SAE1: variants seen among roughly 807,000 people sequenced by gnomAD.
SAE1 encodes the protein SUMO1 activating enzyme subunit 1.
A neutral mutation model predicts 40.6 loss-of-function variants in SAE1; 11 were observed. The ratio of observed to expected loss-of-function variants is 0.27; its 90% CI spans 0.17 to 0.45. The LOEUF (loss-of-function observed/expected upper bound fraction) is 0.45. Ranked by LOEUF, SAE1 falls within the 20% of genes least tolerant of loss-of-function variation. SAE1 has a pLI of 1.00. For missense variants in SAE1, 373 were observed against 427.3 expected (o/e 0.87, Z 1.12); for synonymous variants, 155 against 154.3 (o/e 1.00, Z -0.03).
At chr19:47,147,437 G>A (rs1294498347) in intron 2 of SAE1, among the ~76,000 whole-genome samples, 2 of 151,002 alleles carry the variant, frequency 1.3e-5, no homozygotes, top group Non-Finnish European at 3.0e-5. Context: ...TGAACTTTCT[G>A]GGCTCAATTA....
chr19:47,150,074 C>CAAA (rs34440742), intron 2 of SAE1, 128 bp from the exon 3 acceptor site: 1,025 of 338,238 alleles, frequency 3.0e-3, no homozygotes, highest in East Asian at 5.7e-3. Flanking sequence ...AAGACTGTCT[C>CAAA]AAAAAAAAAA....
At position 47,187,801 on chromosome 19, in the gene SAE1, C is replaced by T. The variant is rs901792402; in HGVS notation, c.734-9432C>T. ...CCTCTCAAAGTGCTGGGATTACAGG[C>T]GTGAGCCACTGCACCCGGCCTCTGG... On this transcript the variant is annotated intron_variant, in intron 6 of 8. Coordinates refer to ENST00000270225, the MANE Select transcript of SAE1 (RefSeq NM_005500.3). Among the ~76,000 whole-genome samples the T allele has an allele frequency of 2.6e-5, 4 of 152,052 alleles. No homozygotes were observed. The South Asian group carries it at 6.3e-4, about 24-fold the overall frequency.
In SAE1 at chr19:47,197,300, G is replaced by T; in HGVS notation, c.801G>T (p.Glu267Asp). ...PSSDTYEEDSELLLQIRNDVL... is the reference protein window; with the variant it reads ...PSSDTYEEDSDLLLQIRNDVL... The stretch of plus-strand genomic sequence containing the variant: ...CTGATACATATGAGGAAGATTCTGA[G>T]TTGTTGCTCCAGATACGAAATGATG... The change falls in exon 7 of 9, where the codon GAG (glutamate) becomes GAT (aspartate). Residue 267 changes from glutamate (E) to aspartate (D), a missense_variant. Glu to Asp is a conservative substitution (Grantham distance 45, BLOSUM62 2). This residue lies in a region of SAE1 where 351 missense variants were observed against 390.6 expected (regional missense o/e 0.90). Transcript: ENST00000270225. The T allele has an allele frequency of 6.2e-7, 1 of 1,614,072 alleles. No individual in the cohort carries two copies. Among genetic ancestry groups the T allele is most frequent in the Non-Finnish European group, 8.5e-7 (1 of 1,179,920 alleles).
At chr19:47,140,506 C>T (rs947694937) in intron 1 of SAE1, among the ~76,000 whole-genome samples, 1 of 151,972 alleles carries the variant, frequency 6.6e-6, no homozygotes, top group Non-Finnish European at 1.5e-5. Context: ...CCCACCTTGG[C>T]CTCCCAAAGT....
intron 1 of SAE1, among the ~76,000 whole-genome samples, 197 bp from the exon 2 acceptor site, chr19:47,143,297 G>T (rs1429048008): frequency 6.6e-6 from 1 of 152,046 alleles, no homozygotes; most frequent in Non-Finnish European, 1.5e-5. Flanking sequence ...TAGAGACGGG[G>T]TTTCACCGTG....
intron 4 of SAE1, among the ~76,000 whole-genome samples, chr19:47,154,736 C>T (rs932468439): frequency 5.3e-5 from 8 of 151,876 alleles, no homozygotes; most frequent in South Asian, 2.1e-4. Context: ...CCTCAGGTGA[C>T]ACGCCCGCCT....
rs1275981137 is a variant in SAE1, at chr19:47,197,272, G to C, written c.773G>C (p.Ser258Thr). The C allele has an allele frequency of 6.2e-7, 1 of 1,613,990 alleles. No homozygotes were observed. The highest frequency in any genetic ancestry group is 2.2e-5 in the East Asian group (1 of 44,888). ...CGTACAGATAAAGGAAGAGATCCCA[G>C]TTCTGATACATATGAGGAAGATTCT... ...KFRTDKGRDP[S>T]SDTYEEDSEL... The change falls in exon 7 of 9, where the codon AGT becomes ACT. Residue 258 changes from serine to threonine, a missense_variant. Physicochemically the swap from Ser to Thr is moderately conservative, Grantham distance 58. This residue lies in a region of SAE1 where 351 missense variants were observed against 390.6 expected (regional missense o/e 0.90). Coordinates refer to ENST00000270225, the MANE Select transcript of SAE1 (RefSeq NM_005500.3).
intron 1 of SAE1, among the ~76,000 whole-genome samples, chr19:47,132,733 C>A (rs117960763): frequency 6.6e-6 from 1 of 151,692 alleles, no homozygotes; most frequent in South Asian, 2.1e-4. Flanking sequence ...CAAAAAAATA[C>A]AAAAATTAGC....
chr19:47,204,045 T>C (rs2058670593), intron 8 of SAE1, among the ~76,000 whole-genome samples: 1 of 152,092 alleles, frequency 6.6e-6, no homozygotes, highest in Non-Finnish European at 1.5e-5. Flanking sequence ...GGGATTCTGC[T>C]TCTCATAGCT....
chr19:47,166,345 A>C (rs573107456), intron 5 of SAE1, among the ~76,000 whole-genome samples: 28 of 152,160 alleles, frequency 1.8e-4, no homozygotes, highest in African/African-American at 5.8e-4. Context: ...GAAAATTTCA[A>C]ATTTGATCCA....
chr19:47,185,532 C>T (rs932670190), intron 6 of SAE1, among the ~76,000 whole-genome samples: 6 of 152,036 alleles, frequency 3.9e-5, no homozygotes, highest in Non-Finnish European at 8.8e-5. Flanking sequence ...TCCTGAACTC[C>T]TGACCTCAAG....
chr19:47,148,917 GTCTA>G lies in SAE1; in HGVS notation c.211-1279_211-1276del, dbSNP rs529919583. ...GCGTGAGCCACCGCACCTGGCCATA[GTCTA>G]TCTATGTTTTTTAAAAGTTCATTTC... On this transcript the variant is annotated intron_variant, in intron 2 of 8. Transcript: ENST00000270225. Among the ~76,000 whole-genome samples, 407 of 151,644 alleles carry G rather than the reference GTCTA, an allele frequency of 2.7e-3. 2 individuals are homozygous for G. Among genetic ancestry groups the G allele is most frequent in the South Asian group, 7.9e-3 (38 of 4,798 alleles).
chr19:47,206,087 C>T (rs144107693), intron 8 of SAE1, among the ~76,000 whole-genome samples: 12 of 152,174 alleles, frequency 7.9e-5, no homozygotes, highest in African/African-American at 2.9e-4. Context: ...TAGCCTTGAC[C>T]CCATTGTTGG....
chr19:47,158,672 C>A (rs898781496), intron 5 of SAE1, among the ~76,000 whole-genome samples: 2 of 152,190 alleles, frequency 1.3e-5, no homozygotes, highest in African/African-American at 4.8e-5. Context: ...GCAGCCAGCT[C>A]CTTCCATGAG....
intron 4 of SAE1, 47 bp downstream of exon 4, chr19:47,153,087 A>G (rs750194718): frequency 4.7e-6 from 7 of 1,497,172 alleles, no homozygotes; most frequent in East Asian, 4.6e-5. Context: ...TCTCCTTTTT[A>G]TACTTTTTTT....
At chr19:47,201,400 C>T (rs915587368) in intron 7 of SAE1, among the ~76,000 whole-genome samples, 2 of 87,570 alleles carry the variant, frequency 2.3e-5, no homozygotes, top group Non-Finnish European at 2.0e-5. Context: ...GAATCAGAGT[C>T]TTGCTGTGTC....
chr19:47,209,353 G>T lies in SAE1; in HGVS notation c.*102G>T. On this transcript the variant is annotated 3_prime_UTR_variant, in exon 9 of 9. Transcript: ENST00000270225. ...GCATCTCCAGGCAAGGAAAACTGAA[G>T]TCATTGGCCCGATACAAAACATTTC... 3 of 1,593,496 alleles carry T rather than the reference G, an allele frequency of 1.9e-6. No homozygotes were observed. Among genetic ancestry groups the T allele is most frequent in the Non-Finnish European group, 2.6e-6 (3 of 1,166,998 alleles).
At chr19:47,172,107 C>T (rs373216182) in intron 6 of SAE1, among the ~76,000 whole-genome samples, 13 of 151,290 alleles carry the variant, frequency 8.6e-5, no homozygotes, top group Admixed American at 3.9e-4. Flanking sequence ...TTAGTAGAAA[C>T]GGGGTTTCAC....
intron 6 of SAE1, among the ~76,000 whole-genome samples, chr19:47,172,778 AAG>A (rs202158987): frequency 0.021 from 3,241 of 151,918 alleles, 113 homozygotes; most frequent in African/African-American, 0.075. Flanking sequence ...AAAAAAAAAA[AAG>A]AGAAAAGAAA....
Sources: gnomAD v4.1 joint callset for allele counts (sites outside exome capture counted in the v4.1 genomes callset) on GRCh38, gnomAD v4.1.1 for gene constraint, gnomAD v4.1.1 regional missense constraint, MANE v1.5 for transcripts, NCBI Gene and HGNC (gene_info 2026-07-23, HGNC 2026-07-21) for gene names.